The following PIAS1 variants were observed in gnomAD, a reference collection of about 807,000 sequenced individuals.
PIAS1 encodes protein inhibitor of activated STAT 1, also known as E3 SUMO-protein ligase PIAS1.
Under a neutral mutation model 71.3 loss-of-function variants are expected in PIAS1, and 6 were observed. The observed-to-expected ratio is 0.08, with a 90% CI of 0.05 to 0.17. The LOEUF is 0.17. Ranked by LOEUF, PIAS1 falls within the 10% of genes least tolerant of loss-of-function variation. PIAS1 has a pLI of 1.00. For missense variants in PIAS1, 555 were observed against 793.6 expected (o/e 0.70, Z 3.61); for synonymous variants, 303 against 292.9 (o/e 1.03, Z -0.35).
At chr15:68,080,860 CATAAT>C (rs1207176501) in intron 1 of PIAS1, among the ~76,000 whole-genome samples, 3 of 152,202 alleles carry the variant, frequency 2.0e-5, no homozygotes, top group Non-Finnish European at 2.9e-5. Flanking sequence ...GATAAAGACT[CATAAT>C]ATAGTCTGCT....
chr15:68,161,470 G>A (rs1316847970), intron 7 of PIAS1, among the ~76,000 whole-genome samples: 1 of 149,998 alleles, frequency 6.7e-6, no homozygotes, highest in African/African-American at 2.4e-5. Flanking sequence ...GTCTGTAATG[G>A]CAAAAGAGAA....
At chr15:68,114,754 T>A (rs538010002) in intron 2 of PIAS1, among the ~76,000 whole-genome samples, 89 of 152,068 alleles carry the variant, frequency 5.9e-4, no homozygotes, top group Non-Finnish European at 1.1e-3. Flanking sequence ...TCCAATGTTT[T>A]GAGTTTATGT....
intron 1 of PIAS1, among the ~76,000 whole-genome samples, chr15:68,059,579 T>C (rs2140951872): frequency 6.6e-6 from 1 of 151,426 alleles, no homozygotes; most frequent in Admixed American, 6.6e-5. Context: ...GGCGTGGTGG[T>C]GGGCGCCTGT....
At chr15:68,181,112 C>T (rs2093051124) in intron 11 of PIAS1, 100 bp from the exon 12 acceptor site, 2 of 910,108 alleles carry the variant, frequency 2.2e-6, no homozygotes, top group East Asian at 2.6e-5. Context: ...TTATTTCCAG[C>T]ACTAAACCGA....
chr15:68,112,865 C>T (rs2092534112), intron 2 of PIAS1, among the ~76,000 whole-genome samples: 2 of 151,840 alleles, frequency 1.3e-5, no homozygotes, highest in Non-Finnish European at 2.9e-5. Context: ...TCGGAAATAA[C>T]ACACAAATGC....
At chr15:68,146,445 C>A in intron 5 of PIAS1, 121 bp from the exon 6 acceptor site, 1 of 698,580 alleles carries the variant, frequency 1.4e-6, no homozygotes, top group East Asian at 2.7e-5. Flanking sequence ...TGCTTCTCTA[C>A]TTTTTAATGA....
rs183765908 is a variant in PIAS1 at position 68,071,373 on chromosome 15, G to A, written c.25-14933G>A. Among the ~76,000 whole-genome samples, 210 of 148,674 alleles carry A rather than the reference G, an allele frequency of 1.4e-3. 2 individuals are homozygous for A. Among genetic ancestry groups the A allele is most frequent in the Admixed American group, 0.013 (191 of 14,882 alleles). On this transcript the variant is annotated intron_variant, in intron 1 of 13. Transcript: ENST00000249636. ...TGGGATTACAGGTGCATGCCACCAT[G>A]CCTGGCTAATTTTTTGTATTTTTAG...
intron 2 of PIAS1, among the ~76,000 whole-genome samples, chr15:68,120,565 G>C (rs1347614699): frequency 1.3e-5 from 2 of 152,088 alleles, no homozygotes; most frequent in East Asian, 3.9e-4. Flanking sequence ...TACTTCAGGT[G>C]ACATTTTACC....
At chr15:68,102,273 A>G (rs921366797) in intron 2 of PIAS1, among the ~76,000 whole-genome samples, 1 of 152,102 alleles carries the variant, frequency 6.6e-6, no homozygotes, top group African/African-American at 2.4e-5. Context: ...GTCTGTACCT[A>G]TGTGGGTCTC....
chr15:68,123,223 T>G (rs558130203), intron 2 of PIAS1, among the ~76,000 whole-genome samples: 1 of 150,182 alleles, frequency 6.7e-6, no homozygotes, highest in Non-Finnish European at 1.5e-5. Context: ...TGGCACATTT[T>G]TAAAACTTTT....
At chr15:68,146,086 T>G (rs151275869) in intron 5 of PIAS1, among the ~76,000 whole-genome samples, 180 bp downstream of exon 5, 83 of 152,304 alleles carry the variant, frequency 5.4e-4, no homozygotes, top group Admixed American at 2.6e-3. Context: ...GACATTAGCT[T>G]TGGGGACATA....
intron 1 of PIAS1, among the ~76,000 whole-genome samples, chr15:68,067,380 C>T (rs1349018752): frequency 6.6e-6 from 1 of 152,170 alleles, no homozygotes; most frequent in East Asian, 1.9e-4. Flanking sequence ...TTAGTTACCA[C>T]TGCATTGCCT....
intron 2 of PIAS1, among the ~76,000 whole-genome samples, chr15:68,133,107 A>C (rs1249273005): frequency 4.0e-5 from 6 of 151,796 alleles, no homozygotes; most frequent in South Asian, 4.2e-4. Context: ...TATCTTAGAG[A>C]GATCACTCCC....
At chr15:68,125,408 G>A (rs1167678498) in intron 2 of PIAS1, among the ~76,000 whole-genome samples, 1 of 152,034 alleles carries the variant, frequency 6.6e-6, no homozygotes, top group Non-Finnish European at 1.5e-5. Flanking sequence ...TCTTGCCTGT[G>A]TTAATCTTGT....
intron 2 of PIAS1, among the ~76,000 whole-genome samples, chr15:68,127,823 T>C (rs79394782): frequency 0.027 from 4,128 of 152,186 alleles, 179 homozygotes; most frequent in African/African-American, 0.094. Context: ...AGTACAGTAG[T>C]GTGACCTCAG....
At chr15:68,143,160 T>C (rs973775632) in intron 4 of PIAS1, among the ~76,000 whole-genome samples, 2 of 152,080 alleles carry the variant, frequency 1.3e-5, no homozygotes, top group Non-Finnish European at 2.9e-5. Context: ...ACTGTTGGAA[T>C]AGGGATGGAA....
rs1567032214 is a variant in PIAS1 at position 68,080,430 on chromosome 15, G to T, written c.25-5876G>T. Among the ~76,000 whole-genome samples the T allele has an allele frequency of 2.6e-5, 4 of 152,276 alleles. No individual in the cohort carries two copies. In the East Asian group the frequency reaches 5.8e-4, roughly 22 times the overall value. On this transcript the variant is annotated intron_variant, in intron 1 of 13. Coordinates refer to ENST00000249636, the MANE Select transcript of PIAS1 (RefSeq NM_016166.3). ...AGTAGGCACTACAGGTCATTTTCCG[G>T]TTGTCTTATGCTGCAAAATAGATAA...
chr15:68,163,319 T>A (rs988828157), intron 7 of PIAS1, among the ~76,000 whole-genome samples: 1 of 152,246 alleles, frequency 6.6e-6, no homozygotes, highest in African/African-American at 2.4e-5. Context: ...ACAACTATAT[T>A]TTCCAAACTA....
At chr15:68,132,305 C>T (rs781229445) in intron 2 of PIAS1, among the ~76,000 whole-genome samples, 23 of 151,598 alleles carry the variant, frequency 1.5e-4, no homozygotes, top group Middle Eastern at 3.4e-3. Flanking sequence ...GGTGATACTC[C>T]GTCTCTACTA....
Sources: gnomAD v4.1 joint callset for allele counts (sites outside exome capture counted in the v4.1 genomes callset) on GRCh38, gnomAD v4.1.1 for gene constraint, MANE v1.5 for transcripts, NCBI Gene and HGNC (gene_info 2026-07-23, HGNC 2026-07-21) for gene names.